Variants in HMGA2 observed in about 807,000 individuals in gnomAD.
HMGA2 encodes the protein high mobility group AT-hook 2.
A neutral mutation model predicts 19.1 loss-of-function variants in HMGA2; 8 were observed. The ratio of observed to expected loss-of-function variants is 0.42; its 90% CI spans 0.25 to 0.76. The LOEUF is 0.76. Among genes scored for constraint, HMGA2 ranks in the 30% least tolerant of loss-of-function variants. The probability of loss-of-function intolerance (pLI) is 0.28; values close to 1 mark genes in which losing one functional copy is unlikely to be tolerated. For synonymous variants in HMGA2, 60 were observed against 48.8 expected, an observed-to-expected ratio of 1.23 and a Z score of -0.96; for missense variants, 109 against 136.3, an observed-to-expected ratio of 0.80 and a Z score of 1.00.
intron 3 of HMGA2, among the ~76,000 whole-genome samples, chr12:65,938,275 T>A (rs1875965617): frequency 6.6e-6 from 1 of 152,250 alleles, no homozygotes; most frequent in Non-Finnish European, 1.5e-5. Context: ...ACTTTAAATG[T>A]GCATCATCTC....
rs60786450 is a variant in HMGA2 at position 65,824,713 on chromosome 12, TTCTCTCTCTCTCTCTCTCTCTC to T, written c.-523_-502del. On this transcript the variant is annotated 5_prime_UTR_variant, in exon 1 of 5. Transcript: ENST00000403681. ...CCAAGGCACTTTCAATCTCAATCTC[TTCTCTCTCTCTCTCTCTCTCTC>T]TCTCTCTCTCTCTCTCTCTCTCTCT... 2,975 of 145,096 alleles carry T rather than the reference TTCTCTCTCTCTCTCTCTCTCTC, an allele frequency of 0.021. 58 individuals carry two copies. The highest frequency in any genetic ancestry group is 0.068 in the African/African-American group (1,980 of 29,286). 9.0% of individuals were successfully genotyped at this position (145,096 alleles called of 1,614,324 possible). A position where few individuals can be genotyped will look rare whatever the true frequency, so the allele number is the denominator to read the frequency against.
At chr12:65,958,884 A>G (rs1876673972) in intron 4 of HMGA2, 2 of 152,146 alleles carry the variant, frequency 1.3e-5, no homozygotes, top group Admixed American at 1.3e-4. Flanking sequence ...GACTTATTAA[A>G]GCTGACATGG....
chr12:65,874,863 AAG>A (rs1193335541), intron 3 of HMGA2, among the ~76,000 whole-genome samples: 1 of 152,172 alleles, frequency 6.6e-6, no homozygotes, highest in Non-Finnish European at 1.5e-5. Flanking sequence ...ATCTCAGAAA[AAG>A]AGAGTCACAT....
chr12:65,845,406 C>T (rs1484177315), intron 3 of HMGA2, among the ~76,000 whole-genome samples: 3 of 152,038 alleles, frequency 2.0e-5, no homozygotes, highest in Admixed American at 6.6e-5. Flanking sequence ...GTAGCTGGGA[C>T]TATAGTCCCA....
At chr12:65,875,587 C>CTT (rs1872953046) in intron 3 of HMGA2, among the ~76,000 whole-genome samples, 1 of 34,062 alleles carries the variant, frequency 2.9e-5, no homozygotes, top group Non-Finnish European at 1.0e-4. Flanking sequence ...CCGTGCCCGG[C>CTT]TATTTTTTTT....
At chr12:65,953,188 T>C (rs1876513397) in intron 4 of HMGA2, 3 of 152,204 alleles carry the variant, frequency 2.0e-5, no homozygotes, top group African/African-American at 7.2e-5. Context: ...TCATATTTTT[T>C]ATGAACTCCC....
At chr12:65,832,141 T>C (rs1022264197) in intron 2 of HMGA2, among the ~76,000 whole-genome samples, 1 of 151,966 alleles carries the variant, frequency 6.6e-6, no homozygotes, top group Admixed American at 6.5e-5. Flanking sequence ...TCCATTATCT[T>C]GATATTTAGG....
At chr12:65,901,655 A>G (rs1874376926) in intron 3 of HMGA2, among the ~76,000 whole-genome samples, 1 of 152,214 alleles carries the variant, frequency 6.6e-6, no homozygotes, top group African/African-American at 2.4e-5. Flanking sequence ...TATTTACTAA[A>G]CATTCCTTAA....
chr12:65,942,202 T>C (rs1876112243), intron 3 of HMGA2, among the ~76,000 whole-genome samples: 1 of 152,224 alleles, frequency 6.6e-6, no homozygotes, highest in Non-Finnish European at 1.5e-5. Flanking sequence ...TAACATTAGC[T>C]AAAGTTTGAA....
At position 65,838,542 on chromosome 12, in the gene HMGA2, A is replaced by G. The variant is rs776922061; in HGVS notation, c.222A>G (p.Lys74=). ...AQKKAEATGE[K]RPRGRPRKWP... ...AGAAAGCAGAAGCCACTGGAGAAAA[A>G]CGGCCAAGAGGCAGACCTAGGAAAT... The change falls in exon 3 of 5, where the codon AAA becomes AAG. Residue 74 remains lysine, a synonymous_variant. Transcript: ENST00000403681. The G allele has an allele frequency of 1.2e-6, 2 of 1,612,290 alleles. No individual in the cohort carries two copies. Among genetic ancestry groups the G allele is most frequent in the South Asian group, 2.2e-5 (2 of 90,762 alleles).
intron 2 of HMGA2, among the ~76,000 whole-genome samples, chr12:65,837,243 T>A (rs1239016722): frequency 6.6e-6 from 1 of 152,206 alleles, no homozygotes; most frequent in Non-Finnish European, 1.5e-5. Flanking sequence ...TGTTGGATAG[T>A]AATGCCAGAT....
intron 3 of HMGA2, among the ~76,000 whole-genome samples, chr12:65,875,613 T>TTTTTTTTTTTTC (rs1872967495): frequency 8.3e-6 from 1 of 121,086 alleles, no homozygotes; most frequent in Non-Finnish European, 1.8e-5. Context: ...TTTTTTTTTT[T>TTTTTTTTTTTTC]TTTTTTTTTT....
At chr12:65,838,991 T>C (rs1292996920) in intron 3 of HMGA2, among the ~76,000 whole-genome samples, 2 of 143,360 alleles carry the variant, frequency 1.4e-5, no homozygotes, top group African/African-American at 5.8e-5. Context: ...TCTTTCTTTT[T>C]CTTTTTCTTT....
chr12:65,888,554 C>CTTT (rs1180942808), intron 3 of HMGA2, among the ~76,000 whole-genome samples: 1,769 of 40,586 alleles, frequency 0.044, 702 homozygotes, highest in African/African-American at 0.13. Flanking sequence ...GTGGTGTGCT[C>CTTT]TTTTTTTTTT....
At chr12:65,906,215 G>A (rs1236533189) in intron 3 of HMGA2, among the ~76,000 whole-genome samples, 1 of 152,172 alleles carries the variant, frequency 6.6e-6, no homozygotes, top group African/African-American at 2.4e-5. Context: ...TCAGCCTGCA[G>A]CTAAACTCAT....
At chr12:65,954,347 A>T (rs909230120) in intron 4 of HMGA2, 5 of 152,166 alleles carry the variant, frequency 3.3e-5, no homozygotes, top group African/African-American at 1.2e-4. Context: ...TTAAGGCAGG[A>T]ATTTTTTAGC....
chr12:65,861,255 A>G (rs907281784), intron 3 of HMGA2, among the ~76,000 whole-genome samples: 1 of 152,126 alleles, frequency 6.6e-6, no homozygotes. Context: ...GGTCCCAGCT[A>G]CTTGGGAGGC....
At chr12:65,865,370 G>C (rs1872341121) in intron 3 of HMGA2, among the ~76,000 whole-genome samples, 1 of 152,106 alleles carries the variant, frequency 6.6e-6, no homozygotes, top group African/African-American at 2.4e-5. Context: ...GATTTCATGA[G>C]GGTGAACTTT....
At chr12:65,956,211 A>G (rs369614762) in intron 4 of HMGA2, 37 of 152,268 alleles carry the variant, frequency 2.4e-4, no homozygotes, top group African/African-American at 8.4e-4. Context: ...CGATGTATTT[A>G]TTTTCTTGCT....
Sources: allele counts gnomAD v4.1 joint callset (sites outside exome capture counted in the v4.1 genomes callset), GRCh38; gene constraint gnomAD v4.1.1; transcripts MANE v1.5; gene names NCBI Gene and HGNC (gene_info 2026-07-23, HGNC 2026-07-21).